CEP128: variants seen among roughly 807,000 people sequenced by gnomAD.
The protein encoded by CEP128 is centrosomal protein 128.
In CEP128, 132 loss-of-function variants were observed where a neutral mutation model predicts 156.7. That is an observed-to-expected ratio of 0.84 (90% CI 0.73 to 0.97). The LOEUF is 0.97. CEP128 is among the 50% of genes least tolerant of loss of function. CEP128 has a pLI of 0.00. For missense variants in CEP128, 1,252 were observed against 1,281.9 expected, an observed-to-expected ratio of 0.98 and a Z score of 0.36; for synonymous variants, 469 against 448.9, an observed-to-expected ratio of 1.04 and a Z score of -0.57.
chr14:80,722,927 C>T (rs1330875141), intron 19 of CEP128, among the ~76,000 whole-genome samples: 1 of 150,778 alleles, frequency 6.6e-6, no homozygotes, highest in South Asian at 2.1e-4. Flanking sequence ...CCTGGGTTCA[C>T]GCCATTCTCC....
At chr14:80,666,395 T>C (rs1895614251) in intron 19 of CEP128, among the ~76,000 whole-genome samples, 1 of 152,214 alleles carries the variant, frequency 6.6e-6, no homozygotes, top group African/African-American at 2.4e-5. Flanking sequence ...GCCTTCCTAA[T>C]GTCTGCCCTT....
intron 8 of CEP128, among the ~76,000 whole-genome samples, chr14:80,877,402 T>C (rs2556605): frequency 0.69 from 104,172 of 151,962 alleles, 36,831 homozygotes; most frequent in African/African-American, 0.87. Context: ...TTAATGATAC[T>C]CTATAAAATA....
chr14:80,668,551 A>T (rs1234582057), intron 19 of CEP128, among the ~76,000 whole-genome samples: 3 of 152,244 alleles, frequency 2.0e-5, no homozygotes, highest in Non-Finnish European at 4.4e-5. Flanking sequence ...CAATTATGTC[A>T]CATGAAGAAT....
intron 4 of CEP128, among the ~76,000 whole-genome samples, chr14:80,906,356 C>T (rs761299094): frequency 8.5e-5 from 13 of 152,148 alleles, no homozygotes; most frequent in Non-Finnish European, 1.9e-4. Flanking sequence ...TGTGTAAGGG[C>T]TTACAAAACC....
intron 13 of CEP128, among the ~76,000 whole-genome samples, chr14:80,798,374 T>C (rs1883621535): frequency 1.3e-5 from 2 of 152,128 alleles, no homozygotes; most frequent in African/African-American, 4.8e-5. Flanking sequence ...GCACACGAAG[T>C]GAAGTCCAGT....
intron 19 of CEP128, among the ~76,000 whole-genome samples, chr14:80,664,701 G>A (rs1477859665): frequency 6.6e-6 from 1 of 152,194 alleles, no homozygotes; most frequent in Non-Finnish European, 1.5e-5. Flanking sequence ...AGGAATGAAT[G>A]CTTGACTATA....
chr14:80,529,377 T>C (rs1411218667), intron 22 of CEP128, among the ~76,000 whole-genome samples: 1 of 152,224 alleles, frequency 6.6e-6, no homozygotes, highest in African/African-American at 2.4e-5. Flanking sequence ...GTATATGAGC[T>C]AGACTTGTAG....
chr14:80,579,915 T>A (rs970941930), intron 20 of CEP128, among the ~76,000 whole-genome samples: 3 of 152,368 alleles, frequency 2.0e-5, no homozygotes, highest in Admixed American at 2.0e-4. Context: ...CAAATGTGAA[T>A]AAACCTGTAC....
chr14:80,892,189 G>A (rs1370607314), intron 8 of CEP128, among the ~76,000 whole-genome samples: 1 of 151,848 alleles, frequency 6.6e-6, no homozygotes, highest in African/African-American at 2.4e-5. Context: ...TCAAAACAGT[G>A]TGGTACTGGC....
chr14:80,599,256 A>G (rs930535560), intron 19 of CEP128, among the ~76,000 whole-genome samples: 13 of 147,116 alleles, frequency 8.8e-5, no homozygotes, highest in African/African-American at 3.3e-4. Context: ...CCTAGTACAC[A>G]GTCATATTCT....
intron 19 of CEP128, among the ~76,000 whole-genome samples, chr14:80,586,986 G>A (rs61981687): frequency 0.17 from 26,560 of 151,820 alleles, 2,588 homozygotes; most frequent in East Asian, 0.2. Flanking sequence ...GTTAATATAT[G>A]TAAAACATTT....
At chr14:80,638,249 A>C (rs562271708) in intron 19 of CEP128, among the ~76,000 whole-genome samples, 24 of 152,314 alleles carry the variant, frequency 1.6e-4, no homozygotes. Context: ...CATTTCTTTC[A>C]TAAAGCATTC....
intron 19 of CEP128, among the ~76,000 whole-genome samples, chr14:80,604,378 G>A (rs938795793): frequency 4.4e-4 from 67 of 152,146 alleles, no homozygotes; most frequent in African/African-American, 1.6e-3. Context: ...CGATGGATAT[G>A]GGAATAGAGG....
At chr14:80,776,457 C>G (rs1900794591) in intron 16 of CEP128, among the ~76,000 whole-genome samples, 1 of 148,776 alleles carries the variant, frequency 6.7e-6, no homozygotes, top group Non-Finnish European at 1.5e-5. Context: ...CCTTGCTTTA[C>G]CAATTACTAG....
chr14:80,624,015 T>G (rs1595107003), intron 19 of CEP128, among the ~76,000 whole-genome samples: 1 of 152,146 alleles, frequency 6.6e-6, no homozygotes. Flanking sequence ...CTACAGTACT[T>G]TACAATTTAT....
chr14:80,959,251 C>CTAGAATCT (rs780491868), intron 1 of CEP128, among the ~76,000 whole-genome samples: 39 of 152,174 alleles, frequency 2.6e-4, no homozygotes, highest in Middle Eastern at 6.8e-3. Context: ...GTGGAACATT[C>CTAGAATCT]TAGAATCTTT....
chr14:80,586,378 C>A (rs1393417890), intron 19 of CEP128, among the ~76,000 whole-genome samples: 1 of 152,176 alleles, frequency 6.6e-6, no homozygotes, highest in Non-Finnish European at 1.5e-5. Flanking sequence ...CAGTGGAGGA[C>A]TGAGTTCCGA....
intron 19 of CEP128, among the ~76,000 whole-genome samples, chr14:80,737,082 T>A (rs1465323938): frequency 6.6e-6 from 1 of 152,228 alleles, no homozygotes; most frequent in Non-Finnish European, 1.5e-5. Flanking sequence ...CATAATTTTT[T>A]AAAAACTATT....
At chr14:80,724,511 A>G (rs1897938884) in intron 19 of CEP128, among the ~76,000 whole-genome samples, 1 of 152,164 alleles carries the variant, frequency 6.6e-6, no homozygotes, top group Admixed American at 6.5e-5. Context: ...AACAGAGAAG[A>G]CCAAATTTTA....
Sources: allele counts gnomAD v4.1 joint callset (sites outside exome capture counted in the v4.1 genomes callset), GRCh38; gene constraint gnomAD v4.1.1; transcripts MANE v1.5; gene names NCBI Gene and HGNC (gene_info 2026-07-23, HGNC 2026-07-21).